MME: variants seen among roughly 807,000 people sequenced by gnomAD.
The protein encoded by MME is membrane metalloendopeptidase, also known as neprilysin.
A neutral mutation model predicts 113.2 loss-of-function variants in MME; 98 were observed. The ratio of observed to expected loss-of-function variants is 0.87; its 90% confidence interval spans 0.74 to 1.02. The LOEUF is 1.02. Ranked by LOEUF, MME falls within the 50% of genes least tolerant of loss-of-function variation. The pLI is 0.00. For synonymous variants in MME, 292 were observed against 300.6 expected, an observed-to-expected ratio of 0.97 and a Z score of 0.30; for missense variants, 836 against 896.0, an observed-to-expected ratio of 0.93 and a Z score of 0.86.
chr3:155,161,113 A>C (rs1055399779), intron 17 of MME, among the ~76,000 whole-genome samples: 1 of 152,178 alleles, frequency 6.6e-6, no homozygotes, highest in Non-Finnish European at 1.5e-5. Context: ...GAATGACATA[A>C]TATGACAAAA....
chr3:155,144,612 A>G (rs567800543), intron 14 of MME, among the ~76,000 whole-genome samples, 155 bp downstream of exon 14: 1 of 152,324 alleles, frequency 6.6e-6, no homozygotes, highest in South Asian at 2.1e-4. Flanking sequence ...TTTTGTGGAT[A>G]AAGATATATT....
intron 20 of MME, 125 bp from the exon 21 acceptor site, chr3:155,171,992 T>C (rs1200992635): frequency 1.5e-6 from 1 of 655,324 alleles, no homozygotes; most frequent in Non-Finnish European, 2.7e-6. Flanking sequence ...TTACCATAAC[T>C]AAATGTATTA....
chr3:155,180,312 G>A (rs1452432704), intron 22 of MME, 48 bp from the exon 23 acceptor site: 1 of 1,326,760 alleles, frequency 7.5e-7, no homozygotes, highest in Non-Finnish European at 1.1e-6. Flanking sequence ...GTGTGGTATG[G>A]ACGTGAGTAT....
chr3:155,142,706 T>G (rs1721206838), intron 12 of MME, among the ~76,000 whole-genome samples: 1 of 152,172 alleles, frequency 6.6e-6, no homozygotes, highest in Non-Finnish European at 1.5e-5. Flanking sequence ...TATACACAGA[T>G]GGACAATATT....
intron 1 of MME, among the ~76,000 whole-genome samples, chr3:155,040,483 G>A (rs189563325): frequency 2.6e-4 from 40 of 151,422 alleles, no homozygotes; most frequent in Non-Finnish European, 5.2e-4. Context: ...ATAAATACAC[G>A]CACATATATA....
chr3:155,115,232 A>G, intron 4 of MME, 77 bp downstream of exon 4: 3 of 1,527,618 alleles, frequency 2.0e-6, no homozygotes, highest in Non-Finnish European at 1.8e-6. Flanking sequence ...ATTGTTAGCC[A>G]TTACAAGGAA....
chr3:155,078,189 C>T (rs998728712), upstream of MME, among the ~76,000 whole-genome samples: 2 of 151,958 alleles, frequency 1.3e-5, no homozygotes, highest in South Asian at 4.2e-4. Flanking sequence ...CACCACTGCA[C>T]TCCAGCCTGG....
Position 155,036,736 on chromosome 3 carries a change from G to A in MME, c.-11+12412G>A, listed in dbSNP as rs539447061. Among the ~76,000 whole-genome samples the A allele has an allele frequency of 1.8e-3, 270 of 152,032 alleles. 1 individual carries two copies. The highest frequency in any genetic ancestry group is 6.4e-3 in the African/African-American group (266 of 41,500). ...GGCTTGTCTTTTCTTTTGAATAGTA[G>A]AACTTTTAATTTTGTTAAAGTTTGA... On this transcript the variant is annotated intron_variant, in intron 1 of 22. Coordinates refer to the MME transcript ENST00000492661.
intron 1 of MME, among the ~76,000 whole-genome samples, chr3:155,043,489 C>A (rs562796541): frequency 6.6e-6 from 1 of 151,976 alleles, no homozygotes; most frequent in South Asian, 2.1e-4. Context: ...TGCACCACCA[C>A]GCCCGGCCAA....
chr3:155,116,339 T>C, intron 4 of MME, 140 bp from the exon 5 acceptor site: 1 of 676,774 alleles, frequency 1.5e-6, no homozygotes. Context: ...GGGGAGGAAA[T>C]GAATGTACCT....
chr3:155,038,953 A>T (rs966198672), intron 1 of MME, among the ~76,000 whole-genome samples: 1 of 152,094 alleles, frequency 6.6e-6, no homozygotes, highest in Non-Finnish European at 1.5e-5. Flanking sequence ...CATTCTCATT[A>T]TTCTCCTCCA....
At chr3:155,083,367 T>C (rs1321763411) in intron 1 of MME, among the ~76,000 whole-genome samples, 1 of 152,232 alleles carries the variant, frequency 6.6e-6, no homozygotes, top group African/African-American at 2.4e-5. Context: ...ATTTTAGGAA[T>C]ACAGGTATGT....
chr3:155,026,449 C>T (rs116768883), intron 1 of MME, among the ~76,000 whole-genome samples: 2 of 152,094 alleles, frequency 1.3e-5, no homozygotes, highest in Non-Finnish European at 2.9e-5. Flanking sequence ...CTTGGCTGAG[C>T]GCAGTGGCTC....
chr3:155,100,444 A>G (rs1046460862), intron 3 of MME, among the ~76,000 whole-genome samples: 2 of 152,204 alleles, frequency 1.3e-5, no homozygotes, highest in Non-Finnish European at 2.9e-5. Flanking sequence ...ACACTTTTAC[A>G]CTGTTGGTGG....
At chr3:155,113,981 G>A (rs1011697242) in intron 3 of MME, among the ~76,000 whole-genome samples, 2 of 152,106 alleles carry the variant, frequency 1.3e-5, no homozygotes, top group African/African-American at 4.8e-5. Context: ...GGCTCAGCTG[G>A]AAACCATGTT....
At chr3:155,123,667 T>C (rs1719350171) in intron 8 of MME, among the ~76,000 whole-genome samples, 1 of 47,916 alleles carries the variant, frequency 2.1e-5, no homozygotes, top group Non-Finnish European at 4.5e-5. Context: ...TTATTTCTCC[T>C]TCACTTATGA....
intron 8 of MME, among the ~76,000 whole-genome samples, chr3:155,133,399 C>T (rs950742743): frequency 6.6e-6 from 1 of 151,536 alleles, no homozygotes; most frequent in Non-Finnish European, 1.5e-5. Context: ...TATATGCTTC[C>T]AGTTTTCTGA....
chr3:155,167,129 A>T, intron 18 of MME, 108 bp downstream of exon 18: 1 of 1,378,870 alleles, frequency 7.3e-7, no homozygotes, highest in African/African-American at 1.4e-5. Flanking sequence ...AACATGTATC[A>T]TTTCTCTAAT....
intron 8 of MME, among the ~76,000 whole-genome samples, chr3:155,124,403 C>A (rs1719416081): frequency 6.6e-6 from 1 of 151,698 alleles, no homozygotes; most frequent in African/African-American, 2.4e-5. Context: ...TCGTCTGAAG[C>A]CTTCTTCTCT....
Sources: allele counts gnomAD v4.1 joint callset (sites outside exome capture counted in the v4.1 genomes callset), GRCh38; gene constraint gnomAD v4.1.1; transcripts MANE v1.5; gene names NCBI Gene and HGNC (gene_info 2026-07-23, HGNC 2026-07-21).